Variants in PRKD1 observed in about 807,000 individuals in gnomAD.
PRKD1 encodes serine/threonine-protein kinase D1.
A neutral mutation model predicts 95.9 loss-of-function variants in PRKD1; 63 were observed. The ratio of observed to expected loss-of-function variants is 0.66; its 90% CI spans 0.54 to 0.81. PRKD1 has a LOEUF of 0.81. Ranked by LOEUF, PRKD1 falls within the 30% of genes least tolerant of loss-of-function variation. The probability of loss-of-function intolerance (pLI) is 0.00; values close to 1 mark genes in which losing one functional copy is unlikely to be tolerated. For missense variants in PRKD1, 1,048 were observed against 1,165.3 expected, an observed-to-expected ratio of 0.90 and a Z score of 1.47; for synonymous variants, 425 against 423.1, an observed-to-expected ratio of 1.00 and a Z score of -0.05.
intron 11 of PRKD1, among the ~76,000 whole-genome samples, 162 bp from the exon 12 acceptor site, chr14:29,626,718 CTT>C (rs34249162): frequency 1.2e-4 from 17 of 143,394 alleles, no homozygotes; most frequent in Non-Finnish European, 6.1e-5. Context: ...AAAGCACACT[CTT>C]TTTTTTTTTT....
intron 2 of PRKD1, among the ~76,000 whole-genome samples, chr14:29,718,809 G>A (rs1049506456): frequency 1.3e-5 from 2 of 152,086 alleles, no homozygotes; most frequent in Admixed American, 1.3e-4. Context: ...GGGCTGAGAA[G>A]GTGTTGCCCA....
chr14:29,846,225 C>T (rs114359161), intron 1 of PRKD1, among the ~76,000 whole-genome samples: 1,599 of 152,182 alleles, frequency 0.011, 29 homozygotes, highest in African/African-American at 0.037. Context: ...ATGGAGCTTA[C>T]ATTTTACTGT....
intron 1 of PRKD1, among the ~76,000 whole-genome samples, chr14:29,853,164 T>C (rs1330207833): frequency 2.0e-5 from 3 of 152,110 alleles, no homozygotes; most frequent in Non-Finnish European, 4.4e-5. Context: ...AAATAAAAGG[T>C]TCAATTCAGC....
rs1214243841 is a variant in PRKD1 at position 29,636,635 on chromosome 14, CTTTTA to C, written c.986-146_986-142del. 3.4e-5 allele frequency: 29 copies of C among 850,298 alleles called. No individual in the cohort carries two copies. The Admixed American group carries it at 6.3e-4, about 19-fold the overall frequency. The allele number at this position is 850,298 out of a possible 1,614,324, so 52.7% of individuals were successfully genotyped here. ...GATGAGTTTATTTTTTATTTTTTAA[CTTTTA>C]TTTTAAGTTTAGGAGTATATGTGCA... is the stretch of plus-strand genomic sequence containing the variant. On this transcript the variant is annotated intron_variant, in intron 6 of 17. Transcript: ENST00000331968.
At chr14:29,880,274 C>T (rs1816700622) in intron 1 of PRKD1, among the ~76,000 whole-genome samples, 1 of 152,126 alleles carries the variant, frequency 6.6e-6, no homozygotes, top group Admixed American at 6.5e-5. Context: ...TGCCTTGTGT[C>T]CCAGCCACTC....
At chr14:29,806,580 T>A (rs1029866534) in intron 1 of PRKD1, among the ~76,000 whole-genome samples, 15 of 152,190 alleles carry the variant, frequency 9.9e-5, no homozygotes, top group African/African-American at 2.9e-4. Context: ...TTTGGTTAGA[T>A]GAGCATTAGA....
chr14:29,905,822 T>C (rs1894477164), intron 1 of PRKD1, among the ~76,000 whole-genome samples: 2 of 152,186 alleles, frequency 1.3e-5, no homozygotes, highest in Admixed American at 6.5e-5. Flanking sequence ...ATTCAAGAAC[T>C]GAATGTTATG....
intron 4 of PRKD1, among the ~76,000 whole-genome samples, chr14:29,652,592 T>C (rs1566515604): frequency 1.3e-5 from 2 of 152,192 alleles, no homozygotes; most frequent in Non-Finnish European, 2.9e-5. Flanking sequence ...TAAAAAATTT[T>C]TGGACATCTT....
chr14:29,769,283 T>C (rs569333916), intron 1 of PRKD1, among the ~76,000 whole-genome samples: 1 of 152,142 alleles, frequency 6.6e-6, no homozygotes, highest in South Asian at 2.1e-4. Context: ...AAAGAATCCA[T>C]GCCAGCCAGG....
intron 1 of PRKD1, among the ~76,000 whole-genome samples, chr14:29,782,186 G>C (rs1004840230): frequency 3.9e-5 from 6 of 152,208 alleles, no homozygotes; most frequent in Admixed American, 1.3e-4. Context: ...GTGATACTCT[G>C]ATGTACTGGT....
At chr14:29,608,312 T>C (rs1878163476) in intron 13 of PRKD1, among the ~76,000 whole-genome samples, 1 of 152,168 alleles carries the variant, frequency 6.6e-6, no homozygotes, top group Admixed American at 6.5e-5. Flanking sequence ...AGAATACTCA[T>C]ACTTTATCCT....
chr14:29,777,993 T>C (rs1033515478), intron 1 of PRKD1, among the ~76,000 whole-genome samples: 1 of 152,032 alleles, frequency 6.6e-6, no homozygotes, highest in Non-Finnish European at 1.5e-5. Flanking sequence ...AAGAAACTCA[T>C]TCAAAACCAC....
At chr14:29,775,131 C>T (rs1888680160) in intron 1 of PRKD1, among the ~76,000 whole-genome samples, 1 of 152,086 alleles carries the variant, frequency 6.6e-6, no homozygotes, top group African/African-American at 2.4e-5. Flanking sequence ...AATGAACTTA[C>T]TGTGAATAGC....
chr14:29,777,220 G>A (rs2139156299), intron 1 of PRKD1, among the ~76,000 whole-genome samples: 1 of 152,270 alleles, frequency 6.6e-6, no homozygotes. Context: ...TCAATGCTAG[G>A]AAGAAACTGC....
At chr14:29,611,871 T>C (rs1878494772) in intron 13 of PRKD1, among the ~76,000 whole-genome samples, 1 of 151,966 alleles carries the variant, frequency 6.6e-6, no homozygotes, top group Admixed American at 6.6e-5. Flanking sequence ...AATGAAGACA[T>C]ATGGAAAACT....
chr14:29,835,935 T>C (rs1210851296), intron 1 of PRKD1, among the ~76,000 whole-genome samples: 1 of 152,168 alleles, frequency 6.6e-6, no homozygotes, highest in Non-Finnish European at 1.5e-5. Context: ...AGGACCCCTT[T>C]TCATAGTTCA....
At chr14:29,635,545 G>C (rs1487691157) in intron 7 of PRKD1, among the ~76,000 whole-genome samples, 1 of 152,126 alleles carries the variant, frequency 6.6e-6, no homozygotes, top group Non-Finnish European at 1.5e-5. Flanking sequence ...AATAAACATG[G>C]CATTCGTAAA....
chr14:29,875,055 A>G (rs1893238170), intron 1 of PRKD1, among the ~76,000 whole-genome samples: 1 of 152,208 alleles, frequency 6.6e-6, no homozygotes, highest in Non-Finnish European at 1.5e-5. Flanking sequence ...AATATGTATC[A>G]ATAAAAAACA....
At chr14:29,667,927 ATTTGT>A (rs948217626) in intron 2 of PRKD1, among the ~76,000 whole-genome samples, 13 of 123,086 alleles carry the variant, frequency 1.1e-4, no homozygotes, top group African/African-American at 4.7e-4. Flanking sequence ...TGCTAGGTAA[ATTTGT>A]TTTTTTTTTT....
Sources: gnomAD v4.1 joint callset for allele counts (sites outside exome capture counted in the v4.1 genomes callset) on GRCh38, gnomAD v4.1.1 for gene constraint, MANE v1.5 for transcripts, NCBI Gene and HGNC (gene_info 2026-07-23, HGNC 2026-07-21) for gene names.